Variants in ELOC observed in about 807,000 individuals in gnomAD.
ELOC encodes elongin C.
For synonymous variants in ELOC, 40 were observed against 51.3 expected (o/e 0.78, Z 0.94); for missense variants, 38 against 139.0 (o/e 0.27, Z 3.65).
intron 1 of ELOC, among the ~76,000 whole-genome samples, chr8:73,965,116 T>C (rs2433208): frequency 0.089 from 13,023 of 146,728 alleles, 778 homozygotes; most frequent in Non-Finnish European, 0.12. Context: ...GAAAAAAATA[T>C]TCACAACGCG....
At chr8:73,966,800 A>G (rs1392475958) in intron 1 of ELOC, among the ~76,000 whole-genome samples, 1 of 152,112 alleles carries the variant, frequency 6.6e-6, no homozygotes, top group East Asian at 1.9e-4. Context: ...AATGCCTAAT[A>G]TAATAGTAAA....
intron 1 of ELOC, among the ~76,000 whole-genome samples, chr8:73,961,730 C>A (rs957828960): frequency 6.6e-6 from 1 of 152,082 alleles, no homozygotes; most frequent in South Asian, 2.1e-4. Flanking sequence ...CCAGGCTGGT[C>A]TCGAACTCCT....
chr8:73,945,942 A>G lies in ELOC; in HGVS notation c.*688T>C, dbSNP rs1168745627. On this transcript the variant is annotated 3_prime_UTR_variant, in exon 4 of 4. Transcript: ENST00000520242. ...AATACAGTACTTTGAATTACCCAAA[A>G]TGTATAATGCACAAGAACTCTAAGT... is the stretch of plus-strand genomic sequence containing the variant. 6.6e-6 allele frequency: 1 copy of G among 151,410 alleles called. No individual in the cohort carries two copies. Among genetic ancestry groups the G allele is most frequent in the African/African-American group, 2.5e-5 (1 of 40,720 alleles). The allele number at this position is 151,410 out of a possible 1,614,324, so 9.4% of individuals were successfully genotyped here.
intron 1 of ELOC, among the ~76,000 whole-genome samples, chr8:73,960,754 A>G (rs1235944177): frequency 2.0e-5 from 3 of 152,182 alleles, no homozygotes; most frequent in Non-Finnish European, 4.4e-5. Flanking sequence ...GTAGACAATA[A>G]GCAAATATTT....
intron 1 of ELOC, among the ~76,000 whole-genome samples, chr8:73,968,128 T>C (rs1815113767): frequency 6.6e-6 from 1 of 152,188 alleles, no homozygotes; most frequent in Non-Finnish European, 1.5e-5. Flanking sequence ...CCCGAATCCA[T>C]CTCCACATCT....
intron 3 of ELOC, among the ~76,000 whole-genome samples, chr8:73,949,497 C>A (rs1473655982): frequency 6.6e-6 from 1 of 152,162 alleles, no homozygotes; most frequent in Non-Finnish European, 1.5e-5. Flanking sequence ...CTATTTAGTT[C>A]CAAAACATTT....
At chr8:73,966,749 T>C (rs1033152760) in intron 1 of ELOC, among the ~76,000 whole-genome samples, 1 of 151,880 alleles carries the variant, frequency 6.6e-6, no homozygotes, top group South Asian at 2.1e-4. Flanking sequence ...GCTGCGATTA[T>C]AGGTGTGAGC....
intron 2 of ELOC, among the ~76,000 whole-genome samples, chr8:73,956,927 G>A (rs149953544): frequency 0.016 from 2,420 of 152,118 alleles, 56 homozygotes; most frequent in African/African-American, 0.053. Context: ...GGATCACGAC[G>A]TCAGGAGATC....
intron 1 of ELOC, among the ~76,000 whole-genome samples, chr8:73,970,904 C>T (rs549887385): frequency 4.0e-4 from 58 of 143,636 alleles, no homozygotes; most frequent in African/African-American, 1.5e-3. Flanking sequence ...AGTGGTGGTG[C>T]GCGCCTGTAA....
chr8:73,963,000 G>C (rs1192565621), intron 1 of ELOC, among the ~76,000 whole-genome samples: 1 of 152,204 alleles, frequency 6.6e-6, no homozygotes, highest in Non-Finnish European at 1.5e-5. Context: ...CCATCACAGA[G>C]CTGAATTCTG....
intron 1 of ELOC, among the ~76,000 whole-genome samples, chr8:73,968,493 C>G (rs903355982): frequency 6.6e-6 from 1 of 152,202 alleles, no homozygotes; most frequent in African/African-American, 2.4e-5. Context: ...AGCAGATATT[C>G]CCAACATATA....
chr8:73,955,936 C>A lies in ELOC; in HGVS notation c.123G>T (p.Thr41=), dbSNP rs368219105. The A allele has an allele frequency of 3.1e-6, 5 of 1,613,334 alleles. No individual in the cohort carries two copies. Among genetic ancestry groups the A allele is most frequent in the Non-Finnish European group, 4.2e-6 (5 of 1,179,390 alleles). ...VKREHALTSG[T]IKAMLSGPGQ... ...CTGGGCCACTCAACATGGCTTTTAT[C>A]GTGCCTGATGTTAATGCATGTTCTC... Residue 41 remains threonine, a synonymous_variant, in exon 3 of 4, where the codon ACG becomes ACT. Coordinates refer to ENST00000520242, the MANE Select transcript of ELOC (RefSeq NM_005648.4).
intron 3 of ELOC, among the ~76,000 whole-genome samples, chr8:73,948,947 G>GT (rs1813570562): frequency 6.6e-6 from 1 of 152,168 alleles, no homozygotes; most frequent in East Asian, 1.9e-4. Context: ...ATATGATCAT[G>GT]TTAACGAGAT....
intron 1 of ELOC, among the ~76,000 whole-genome samples, chr8:73,968,173 A>C (rs947616231): frequency 6.6e-6 from 1 of 152,168 alleles, no homozygotes; most frequent in Non-Finnish European, 1.5e-5. Context: ...CTATCTTGAG[A>C]CTCGGATAAA....
intron 1 of ELOC, among the ~76,000 whole-genome samples, chr8:73,969,105 G>A (rs920855576): frequency 6.6e-6 from 1 of 151,942 alleles, no homozygotes; most frequent in African/African-American, 2.4e-5. Flanking sequence ...TTTTTCTCCC[G>A]AGTGCCAGTC....
chr8:73,946,877 A>G, intron 3 of ELOC, 57 bp from the exon 4 acceptor site: 1 of 1,471,552 alleles, frequency 6.8e-7, no homozygotes, highest in Non-Finnish European at 9.4e-7. Flanking sequence ...CCAAATTCAT[A>G]TGTTGAAGTC....
intron 1 of ELOC, among the ~76,000 whole-genome samples, chr8:73,969,094 G>A (rs1179255812): frequency 6.6e-6 from 1 of 152,096 alleles, no homozygotes; most frequent in African/African-American, 2.4e-5. Flanking sequence ...CATCTCCCTA[G>A]TTTTTCTCCC....
At chr8:73,961,199 G>A (rs1304731838) in intron 1 of ELOC, among the ~76,000 whole-genome samples, 1 of 152,076 alleles carries the variant, frequency 6.6e-6, no homozygotes, top group East Asian at 1.9e-4. Context: ...ATTTATTCAG[G>A]GGATCTCATT....
At chr8:73,956,804 A>G (rs1355128670) in intron 2 of ELOC, among the ~76,000 whole-genome samples, 3 of 152,212 alleles carry the variant, frequency 2.0e-5, no homozygotes, top group Admixed American at 2.0e-4. Flanking sequence ...TCTAAAAGTT[A>G]AGACTTCTTT....
Sources: allele counts gnomAD v4.1 joint callset (sites outside exome capture counted in the v4.1 genomes callset), GRCh38; gene constraint gnomAD v4.1.1; transcripts MANE v1.5; gene names NCBI Gene and HGNC (gene_info 2026-07-23, HGNC 2026-07-21).